DGKI: variants seen among roughly 807,000 people sequenced by gnomAD.
DGKI encodes diacylglycerol kinase iota, also known as DAG kinase iota.
Under a neutral mutation model 147.5 loss-of-function variants are expected in DGKI, and 55 were observed. The ratio of observed to expected loss-of-function variants is 0.37; its 90% CI spans 0.30 to 0.47. The LOEUF is 0.47. DGKI is among the 20% of genes least tolerant of loss of function. The probability of loss-of-function intolerance (pLI) is 1.00; values close to 1 mark genes in which losing one functional copy is unlikely to be tolerated. For missense variants in DGKI, 1,007 were observed against 1,323.8 expected (o/e 0.76, Z 3.71); for synonymous variants, 469 against 477.1 (o/e 0.98, Z 0.22).
chr7:137,815,489 G>C (rs1190891019), intron 1 of DGKI, among the ~76,000 whole-genome samples: 1 of 152,112 alleles, frequency 6.6e-6, no homozygotes, highest in Non-Finnish European at 1.5e-5. Context: ...CTTTTGATGT[G>C]GGTTACAAAC....
chr7:137,744,981 C>G (rs1445196274), intron 1 of DGKI, among the ~76,000 whole-genome samples: 1 of 152,156 alleles, frequency 6.6e-6, no homozygotes, highest in Non-Finnish European at 1.5e-5. Flanking sequence ...ATAACTGGAA[C>G]AAGATAAGGG....
intron 24 of DGKI, among the ~76,000 whole-genome samples, chr7:137,468,263 T>C (rs1267943468): frequency 6.6e-6 from 1 of 152,198 alleles, no homozygotes; most frequent in Non-Finnish European, 1.5e-5. Flanking sequence ...CTCTACTTTT[T>C]TCTTTTAAAC....
intron 1 of DGKI, among the ~76,000 whole-genome samples, chr7:137,759,746 A>C (rs989618230): frequency 2.6e-5 from 4 of 152,166 alleles, no homozygotes; most frequent in Admixed American, 2.6e-4. Flanking sequence ...TTACAGGCCT[A>C]GGCTGGGTGA....
chr7:137,453,927 T>G (rs921960946), intron 27 of DGKI, among the ~76,000 whole-genome samples: 20 of 151,822 alleles, frequency 1.3e-4, no homozygotes, highest in African/African-American at 2.7e-4. Context: ...ATATCTTGTT[T>G]TTTTTTTTTT....
At chr7:137,413,434 C>CT (rs1180335056) in intron 28 of DGKI, among the ~76,000 whole-genome samples, 1 of 152,118 alleles carries the variant, frequency 6.6e-6, no homozygotes. Flanking sequence ...CTTTGTCCCC[C>CT]TCCCTGTCTC....
At chr7:137,632,849 A>C (rs1291749002) in intron 6 of DGKI, among the ~76,000 whole-genome samples, 2 of 150,510 alleles carry the variant, frequency 1.3e-5, no homozygotes, top group Non-Finnish European at 2.9e-5. Context: ...ACAAAACAAG[A>C]CTCTGTCTCA....
chr7:137,431,853 C>T (rs771176103), intron 28 of DGKI, among the ~76,000 whole-genome samples: 9 of 152,112 alleles, frequency 5.9e-5, no homozygotes, highest in Non-Finnish European at 1.0e-4. Context: ...ACCACCCATT[C>T]GAAAGTTGCA....
At chr7:137,821,038 A>G (rs761229274) in intron 1 of DGKI, among the ~76,000 whole-genome samples, 29 of 152,150 alleles carry the variant, frequency 1.9e-4, no homozygotes, top group Non-Finnish European at 3.7e-4. Flanking sequence ...CTCCCCAGTG[A>G]CAGTCCCTCA....
At chr7:137,518,620 G>A in intron 21 of DGKI, among the ~76,000 whole-genome samples, 1 of 152,014 alleles carries the variant, frequency 6.6e-6, no homozygotes, top group East Asian at 1.9e-4. Context: ...GGTTTCTACT[G>A]CTTGTGTTTT....
chr7:137,645,823 C>G (rs1821805219), intron 5 of DGKI, among the ~76,000 whole-genome samples: 1 of 152,018 alleles, frequency 6.6e-6, no homozygotes, highest in Non-Finnish European at 1.5e-5. Context: ...CCAGATGAGC[C>G]CAGAAACAAA....
chr7:137,808,191 G>C (rs1365046626), intron 1 of DGKI, among the ~76,000 whole-genome samples: 1 of 152,154 alleles, frequency 6.6e-6, no homozygotes, highest in Non-Finnish European at 1.5e-5. Flanking sequence ...CAGTAAAAAA[G>C]TCAGGTGTTG....
chr7:137,434,354 C>T (rs1431013656), intron 28 of DGKI, among the ~76,000 whole-genome samples: 1 of 151,894 alleles, frequency 6.6e-6, no homozygotes, highest in Non-Finnish European at 1.5e-5. Context: ...CCAAGGCAGG[C>T]AGATTGCCTG....
chr7:137,634,926 G>C (rs567286774), intron 6 of DGKI, among the ~76,000 whole-genome samples: 1 of 152,186 alleles, frequency 6.6e-6, no homozygotes, highest in African/African-American at 2.4e-5. Flanking sequence ...AAGATAGGTG[G>C]CTTGACATAG....
intron 1 of DGKI, among the ~76,000 whole-genome samples, chr7:137,736,576 T>TA (rs1795029027): frequency 6.6e-6 from 1 of 152,078 alleles, no homozygotes; most frequent in African/African-American, 2.4e-5. Flanking sequence ...AGACAACACT[T>TA]ACAACCTTTT....
At chr7:137,410,794 C>T (rs1812134176) in intron 29 of DGKI, among the ~76,000 whole-genome samples, 1 of 152,132 alleles carries the variant, frequency 6.6e-6, no homozygotes, top group African/African-American at 2.4e-5. Context: ...CCCACAAAAC[C>T]TAATGGAAGG....
At chr7:137,620,019 GCACACA>G (rs3839659) in intron 7 of DGKI, 79 bp from the exon 8 acceptor site, 11,252 of 502,128 alleles carry the variant, frequency 0.022, 331 homozygotes, top group African/African-American at 0.13. Flanking sequence ...ATGTACACAC[GCACACA>G]CACACACACA....
intron 28 of DGKI, among the ~76,000 whole-genome samples, chr7:137,435,030 G>A (rs977640886): frequency 1.3e-5 from 2 of 152,114 alleles, no homozygotes; most frequent in African/African-American, 4.8e-5. Context: ...AAAAGACCAG[G>A]AGTGACCTAT....
At chr7:137,682,014 G>T (rs1646508) in intron 2 of DGKI, among the ~76,000 whole-genome samples, 4,400 of 152,342 alleles carry the variant, frequency 0.029, 82 homozygotes, top group Middle Eastern at 0.058. Flanking sequence ...TATAGCACAT[G>T]GTTGCTGGGA....
chr7:137,420,677 T>C (rs559520123), intron 28 of DGKI, among the ~76,000 whole-genome samples: 8 of 152,106 alleles, frequency 5.3e-5, no homozygotes, highest in South Asian at 2.1e-4. Flanking sequence ...CTTGTTAGAT[T>C]GAATTAAAAA....
Sources: gnomAD v4.1 joint callset for allele counts (sites outside exome capture counted in the v4.1 genomes callset) on GRCh38, gnomAD v4.1.1 for gene constraint, MANE v1.5 for transcripts, NCBI Gene and HGNC (gene_info 2026-07-23, HGNC 2026-07-21) for gene names.